Variants in ARFGEF2 observed in about 807,000 individuals in gnomAD.
The protein encoded by ARFGEF2 is ARF guanine nucleotide exchange factor 2, also known as brefeldin A-inhibited guanine nucleotide-exchange protein 2.
ARFGEF2 carries 74 observed loss-of-function variants against 219.9 expected under a neutral mutation model. That is an observed-to-expected ratio of 0.34 (90% confidence interval 0.28 to 0.41). The LOEUF is 0.41. Among genes scored for constraint, ARFGEF2 ranks in the 10% least tolerant of loss-of-function variants. The pLI is 1.00. For synonymous variants in ARFGEF2, 733 were observed against 799.2 expected, an observed-to-expected ratio of 0.92 and a Z score of 1.40; for missense variants, 1,743 against 2,218.3, an observed-to-expected ratio of 0.79 and a Z score of 4.30.
chr20:48,936,929 G>A (rs1346421552), intron 1 of ARFGEF2, among the ~76,000 whole-genome samples: 10 of 151,788 alleles, frequency 6.6e-5, no homozygotes, highest in Non-Finnish European at 2.9e-5. Context: ...CATATCCTTC[G>A]CCCATTTTTT....
chr20:49,018,795 C>A, intron 33 of ARFGEF2, 89 bp from the exon 34 acceptor site: 1 of 1,018,854 alleles, frequency 9.8e-7, no homozygotes, highest in Non-Finnish European at 1.5e-6. Flanking sequence ...TAAATACAGG[C>A]TGGACCAGCC....
Position 49,005,099 on chromosome 20 carries a change from T to C in ARFGEF2, c.3462T>C (p.Ala1154=). 1 of 1,614,210 alleles carries C rather than the reference T, an allele frequency of 6.2e-7. No homozygotes were observed. The highest frequency in any genetic ancestry group is 1.1e-5 in the South Asian group (1 of 91,080). ...GCTGCAACCCTAATGAAGATGTGGC[T>C]ATCTTTGCTGTTGACTCATTAAGGC... ...KVGCNPNEDV[A]IFAVDSLRQL... is the part of the protein sequence containing the mutation. Residue 1154 remains alanine (A), a synonymous_variant, in exon 26 of 39, where the codon GCT becomes GCC. Coordinates refer to ENST00000371917, the MANE Select transcript of ARFGEF2 (RefSeq NM_006420.3).
chr20:48,922,327 C>T (rs573409320), intron 1 of ARFGEF2, among the ~76,000 whole-genome samples: 33 of 152,340 alleles, frequency 2.2e-4, no homozygotes, highest in African/African-American at 7.0e-4. Context: ...AAACAGTAGC[C>T]CTTGCCCCAA....
intron 25 of ARFGEF2, among the ~76,000 whole-genome samples, chr20:49,001,121 C>T (rs1188125700): frequency 8.0e-6 from 1 of 124,740 alleles, no homozygotes; most frequent in Non-Finnish European, 1.6e-5. Context: ...ACGGCAGTAG[C>T]TTGATCTCCT....
intron 11 of ARFGEF2, among the ~76,000 whole-genome samples, chr20:48,972,652 C>A (rs569159001): frequency 6.6e-6 from 1 of 152,182 alleles, no homozygotes; most frequent in Non-Finnish European, 1.5e-5. Context: ...GTCCCAGAAA[C>A]CCCCTAATCT....
intron 25 of ARFGEF2, 25 bp from the exon 26 acceptor site, chr20:49,005,045 C>G (rs1189176171): frequency 3.7e-6 from 6 of 1,613,926 alleles, no homozygotes; most frequent in South Asian, 1.1e-5. Flanking sequence ...ATACCTGTTT[C>G]ACATCAGTTC....
intron 10 of ARFGEF2, 74 bp from the exon 11 acceptor site, chr20:48,972,252 C>A: frequency 9.3e-7 from 1 of 1,080,520 alleles, no homozygotes; most frequent in Non-Finnish European, 1.4e-6. Context: ...GGGTTGGCTG[C>A]TGAAGACTTT....
chr20:48,952,962 T>G (rs1008641103), intron 5 of ARFGEF2, 78 bp downstream of exon 5: 1 of 1,475,998 alleles, frequency 6.8e-7, no homozygotes. Flanking sequence ...TTGGTGCCTG[T>G]GAAGAATCAC....
intron 1 of ARFGEF2, among the ~76,000 whole-genome samples, chr20:48,936,065 C>T (rs1323214088): frequency 1.5e-5 from 2 of 136,218 alleles, no homozygotes; most frequent in Non-Finnish European, 3.1e-5. Context: ...GGCGGCTGGC[C>T]GGGCCGGGGG....
At chr20:48,949,236 G>A (rs114744258) in intron 3 of ARFGEF2, among the ~76,000 whole-genome samples, 2,407 of 152,290 alleles carry the variant, frequency 0.016, 66 homozygotes, top group African/African-American at 0.054. Context: ...GTTAAAGTGC[G>A]AAAGTCGTAA....
intron 25 of ARFGEF2, among the ~76,000 whole-genome samples, chr20:49,004,269 C>T (rs1369569297): frequency 6.6e-6 from 1 of 151,752 alleles, no homozygotes; most frequent in Non-Finnish European, 1.5e-5. Context: ...GAGGCTGAGG[C>T]AGGAGAATCG....
Position 48,963,840 on chromosome 20 carries a change from C to T in ARFGEF2, c.849C>T (p.Asp283=), listed in dbSNP as rs749624687. Residue 283 remains aspartate, a synonymous_variant, in exon 7 of 39, where the codon GAC becomes GAT. Coordinates refer to ENST00000371917, the MANE Select transcript of ARFGEF2 (RefSeq NM_006420.3). ...ERGSSLSGTD[D]GAQEVVKDIL... ...TGGATGTGTGTGTAGGGACTGATGA[C>T]GGAGCCCAGGAGGTGGTGAAGGACA... The T allele has an allele frequency of 9.9e-6, 16 of 1,613,782 alleles. No homozygotes were observed. The highest frequency in any genetic ancestry group is 3.3e-4 in the Middle Eastern group (2 of 6,058).
intron 1 of ARFGEF2, among the ~76,000 whole-genome samples, chr20:48,925,340 G>GT (rs1350398470): frequency 1.3e-5 from 2 of 152,148 alleles, no homozygotes; most frequent in Non-Finnish European, 2.9e-5. Flanking sequence ...ACCTTGTTAT[G>GT]AAACTTTGAT....
intron 3 of ARFGEF2, among the ~76,000 whole-genome samples, chr20:48,943,757 C>T (rs750023803): frequency 1.3e-5 from 2 of 152,146 alleles, no homozygotes; most frequent in East Asian, 1.9e-4. Context: ...TATTCTTGAC[C>T]TCAGTGGGCA....
chr20:48,989,826 G>A lies in ARFGEF2; in HGVS notation c.2814+142G>A, dbSNP rs374458672. Reference sequence around the variant, plus strand: ...ACTTATGCCTACTGACAAGAAATCCGTAGCTTTGTGATGACAGCTCGTTAG... The same window carrying A: ...ACTTATGCCTACTGACAAGAAATCCATAGCTTTGTGATGACAGCTCGTTAG... On this transcript the variant is annotated intron_variant, in intron 20 of 38. Coordinates refer to ENST00000371917, the MANE Select transcript of ARFGEF2 (RefSeq NM_006420.3). 9.3e-5 allele frequency: 121 copies of A among 1,298,634 alleles called. 1 individual carries two copies. Among genetic ancestry groups the A allele is most frequent in the South Asian group, 7.4e-4 (60 of 81,074 alleles). 80.4% of individuals were successfully genotyped at this position (1,298,634 alleles called of 1,614,324 possible). A position where few individuals can be genotyped will look rare whatever the true frequency, so the allele number is the denominator to read the frequency against.
chr20:48,970,402 A>C (rs1290289620), intron 9 of ARFGEF2, among the ~76,000 whole-genome samples: 1 of 152,100 alleles, frequency 6.6e-6, no homozygotes, highest in African/African-American at 2.4e-5. Flanking sequence ...TGAGGTCAAG[A>C]GATCGAGACC....
chr20:48,975,204 G>A (rs566409556), intron 13 of ARFGEF2, among the ~76,000 whole-genome samples: 31 of 152,140 alleles, frequency 2.0e-4, no homozygotes, highest in African/African-American at 7.2e-4. Flanking sequence ...TTTTTAAAGA[G>A]ACAGAGTCTG....
chr20:49,015,394 TGA>T (rs2091523495), intron 30 of ARFGEF2, among the ~76,000 whole-genome samples: 1 of 152,218 alleles, frequency 6.6e-6, no homozygotes, highest in East Asian at 1.9e-4. Context: ...ATTACAGGTG[TGA>T]GCCACCACAC....
At chr20:48,953,162 C>CTTTTTTTTTTTTTTTTT in intron 5 of ARFGEF2, among the ~76,000 whole-genome samples, 1 of 141,678 alleles carries the variant, frequency 7.1e-6, no homozygotes, top group Non-Finnish European at 1.6e-5. Context: ...TTCTTTCTTT[C>CTTTTTTTTTTTTTTTTT]TTTTTTTTTT....
Sources: gnomAD v4.1 joint callset for allele counts (sites outside exome capture counted in the v4.1 genomes callset) on GRCh38, gnomAD v4.1.1 for gene constraint, MANE v1.5 for transcripts, NCBI Gene and HGNC (gene_info 2026-07-23, HGNC 2026-07-21) for gene names.